Variants in SPATS2L observed in about 807,000 individuals in gnomAD.
The protein encoded by SPATS2L is SPATS2-like protein.
A neutral mutation model predicts 59.6 loss-of-function variants in SPATS2L; 30 were observed. The observed-to-expected ratio is 0.50, with a 90% CI of 0.38 to 0.68. The LOEUF (loss-of-function observed/expected upper bound fraction) is 0.68. Among genes scored for constraint, SPATS2L ranks in the 30% least tolerant of loss-of-function variants. The pLI is 0.00. For missense variants in SPATS2L, 615 were observed against 700.0 expected, an observed-to-expected ratio of 0.88 and a Z score of 1.37; for synonymous variants, 252 against 263.5, an observed-to-expected ratio of 0.96 and a Z score of 0.42.
chr2:200,481,136 GAC>G lies in SPATS2L; in HGVS notation c.*3109_*3110del, dbSNP rs1423556390. 1 of 152,198 alleles carries G rather than the reference GAC, an allele frequency of 6.6e-6. No individual in the cohort carries two copies. The highest frequency in any genetic ancestry group is 1.5e-5 in the Non-Finnish European group (1 of 68,046). 9.4% of individuals were successfully genotyped at this position (152,198 alleles called of 1,614,324 possible). A position where few individuals can be genotyped will look rare whatever the true frequency, so the allele number is the denominator to read the frequency against. On this transcript the variant is annotated 3_prime_UTR_variant, in exon 13 of 13. Coordinates refer to ENST00000409140, the MANE Select transcript of SPATS2L (RefSeq NM_001100423.2). Reference sequence around the variant, plus strand: ...ATTCTAGAAGTGCTTAATGCAGCAAGACACAGAAAGTTAAACGCAAATTGCTG... The same window carrying G: ...ATTCTAGAAGTGCTTAATGCAGCAAGACAGAAAGTTAAACGCAAATTGCTG...
rs551270291 is a variant in SPATS2L, at chr2:200,306,716, G to A, written c.-279G>A. The A allele has an allele frequency of 3.3e-5, 32 of 980,826 alleles. No individual in the cohort carries two copies. The African/African-American group carries it at 4.7e-4, about 15-fold the overall frequency. 60.8% of individuals were successfully genotyped at this position (980,826 alleles called of 1,614,324 possible). ...GGAGTTGTGTCAGTGAAGGAATCCA[G>A]TCCGGGGGCCGAGCTGGCTGCGCCC... On this transcript the variant is annotated 5_prime_UTR_variant, in exon 1 of 13. Transcript: ENST00000409140.
chr2:200,390,199 G>C (rs955220622), intron 3 of SPATS2L: 1 of 152,284 alleles, frequency 6.6e-6, no homozygotes, highest in Admixed American at 6.5e-5. Context: ...TGAAGGATGA[G>C]AGAAGTGACA....
intron 8 of SPATS2L, among the ~76,000 whole-genome samples, chr2:200,454,839 CT>C (rs1188428759): frequency 3.9e-5 from 6 of 152,322 alleles, no homozygotes; most frequent in African/African-American, 1.2e-4. Context: ...ATTTAGAAAA[CT>C]TTTAGTGGCC....
chr2:200,357,557 A>G (rs1208696469), intron 2 of SPATS2L, among the ~76,000 whole-genome samples: 1 of 152,202 alleles, frequency 6.6e-6, no homozygotes, highest in Non-Finnish European at 1.5e-5. Flanking sequence ...TAAAAATCAG[A>G]TGCCTCTTTT....
intron 1 of SPATS2L, among the ~76,000 whole-genome samples, chr2:200,317,780 C>T (rs2079428656): frequency 6.6e-6 from 1 of 152,188 alleles, no homozygotes; most frequent in Non-Finnish European, 1.5e-5. Flanking sequence ...GGTGCACTGC[C>T]ATCAAAATAA....
intron 3 of SPATS2L, among the ~76,000 whole-genome samples, chr2:200,398,850 C>T (rs755260679): frequency 5.9e-5 from 9 of 151,700 alleles, no homozygotes; most frequent in Admixed American, 2.0e-4. Flanking sequence ...GAACTTAGCA[C>T]GTAACCTCTC....
intron 2 of SPATS2L, among the ~76,000 whole-genome samples, chr2:200,369,879 A>G (rs2081375636): frequency 6.6e-6 from 1 of 152,222 alleles, no homozygotes; most frequent in South Asian, 2.1e-4. Context: ...AATAAGAAAG[A>G]GACAAGATCT....
At chr2:200,448,052 G>A (rs1205180760) in intron 8 of SPATS2L, among the ~76,000 whole-genome samples, 1 of 152,158 alleles carries the variant, frequency 6.6e-6, no homozygotes, top group Non-Finnish European at 1.5e-5. Flanking sequence ...GGCTGAGGTG[G>A]GAGGATCATT....
At chr2:200,419,212 G>C in intron 5 of SPATS2L, 38 bp from the exon 6 acceptor site, 4 of 1,524,408 alleles carry the variant, frequency 2.6e-6, no homozygotes, top group Non-Finnish European at 3.5e-6. Flanking sequence ...TCAAGAGTCT[G>C]AGTTGAATAT....
chr2:200,425,439 A>C (rs1355117781), intron 6 of SPATS2L, among the ~76,000 whole-genome samples: 1 of 152,100 alleles, frequency 6.6e-6, no homozygotes, highest in Non-Finnish European at 1.5e-5. Context: ...TATCACAGCT[A>C]AGAACCCGGG....
chr2:200,457,600 T>C (rs1370330998), intron 8 of SPATS2L, among the ~76,000 whole-genome samples: 1 of 152,234 alleles, frequency 6.6e-6, no homozygotes, highest in Non-Finnish European at 1.5e-5. Flanking sequence ...AGTGATCATA[T>C]CCAGTGACCG....
chr2:200,394,987 A>C (rs2082286646), intron 3 of SPATS2L, among the ~76,000 whole-genome samples: 2 of 152,216 alleles, frequency 1.3e-5, no homozygotes, highest in Non-Finnish European at 2.9e-5. Flanking sequence ...CTATCAGAAC[A>C]AAATCTTTGG....
intron 2 of SPATS2L, among the ~76,000 whole-genome samples, chr2:200,369,709 A>G (rs951050587): frequency 7.2e-5 from 11 of 152,304 alleles, no homozygotes; most frequent in African/African-American, 2.6e-4. Context: ...TCCTACAGAA[A>G]ATAATGGTGA....
intron 6 of SPATS2L, among the ~76,000 whole-genome samples, chr2:200,433,643 A>G (rs4674061): frequency 0.43 from 65,744 of 151,840 alleles, 14,351 homozygotes; most frequent in Middle Eastern, 0.5. Flanking sequence ...TATCAGGGAT[A>G]AAATTAACCC....
At chr2:200,445,338 A>T (rs1392133741) in intron 8 of SPATS2L, among the ~76,000 whole-genome samples, 1 of 152,170 alleles carries the variant, frequency 6.6e-6, no homozygotes, top group African/African-American at 2.4e-5. Flanking sequence ...ATAAAATAAA[A>T]GTGGGACTTT....
At chr2:200,319,141 C>A (rs1204312473) in intron 1 of SPATS2L, among the ~76,000 whole-genome samples, 1 of 152,194 alleles carries the variant, frequency 6.6e-6, no homozygotes, top group Non-Finnish European at 1.5e-5. Flanking sequence ...AAATATTTGA[C>A]CATAGCTATT....
intron 6 of SPATS2L, among the ~76,000 whole-genome samples, chr2:200,426,433 G>A (rs771043411): frequency 6.6e-6 from 1 of 152,100 alleles, no homozygotes; most frequent in Admixed American, 6.5e-5. Flanking sequence ...ATGCATTTTT[G>A]AAGTTTATAT....
At chr2:200,420,791 G>C (rs985799168) in intron 6 of SPATS2L, among the ~76,000 whole-genome samples, 1 of 152,038 alleles carries the variant, frequency 6.6e-6, no homozygotes, top group Admixed American at 6.6e-5. Flanking sequence ...TGAATGTCCA[G>C]GGGAACATGA....
rs374809321 is a variant in SPATS2L, at chr2:200,454,212, T to G, written c.789-5557T>G. On this transcript the variant is annotated intron_variant, in intron 8 of 12. Transcript: ENST00000409140. ...TCTAACTCTGGCTGTTGTTACAGATTGAGTTCTTCACCTCCCCTTTGAAAT... is the reference window on the plus strand; with the variant it reads ...TCTAACTCTGGCTGTTGTTACAGATGGAGTTCTTCACCTCCCCTTTGAAAT... Among the ~76,000 whole-genome samples the G allele has an allele frequency of 1.8e-4, 27 of 152,330 alleles. No homozygotes were observed. The South Asian group carries it at 5.6e-3, about 32-fold the overall frequency.
Sources: allele counts gnomAD v4.1 joint callset (sites outside exome capture counted in the v4.1 genomes callset), GRCh38; gene constraint gnomAD v4.1.1; transcripts MANE v1.5; gene names NCBI Gene and HGNC (gene_info 2026-07-23, HGNC 2026-07-21).